The following UBE2U variants were observed in gnomAD, a reference collection of about 807,000 sequenced individuals.
UBE2U encodes the protein ubiquitin-conjugating enzyme E2 U.
A neutral mutation model predicts 41.2 loss-of-function variants in UBE2U; 39 were observed. That is an observed-to-expected ratio of 0.95 (90% CI 0.73 to 1.24). UBE2U has a LOEUF of 1.24. Among genes scored for constraint, UBE2U ranks in the 50% most tolerant of loss-of-function variants. The pLI is 0.00. For missense variants in UBE2U, 336 were observed against 363.1 expected (o/e 0.93, Z 0.61); for synonymous variants, 107 against 117.8 (o/e 0.91, Z 0.60).
At chr1:64,243,073 T>A (rs556467752) in intron 8 of UBE2U, among the ~76,000 whole-genome samples, 1 of 152,294 alleles carries the variant, frequency 6.6e-6, no homozygotes, top group East Asian at 1.9e-4. Flanking sequence ...GTGAGCTGTT[T>A]GAGTGCTGGA....
intron 8 of UBE2U, among the ~76,000 whole-genome samples, chr1:64,249,642 A>G (rs1484505985): frequency 6.6e-6 from 1 of 151,876 alleles, no homozygotes; most frequent in Non-Finnish European, 1.5e-5. Flanking sequence ...AAAAATATAT[A>G]TACTTAATGG....
At chr1:64,217,109 GAATTGTTTGAAAT>G (rs1652076796) in intron 5 of UBE2U, among the ~76,000 whole-genome samples, 1 of 152,320 alleles carries the variant, frequency 6.6e-6, no homozygotes, top group South Asian at 2.1e-4. Flanking sequence ...ACATGAGGAA[GAATTGTTTGAAAT>G]AATTCAAGTT....
At chr1:64,230,508 A>T (rs1276172245) in intron 6 of UBE2U, among the ~76,000 whole-genome samples, 1 of 151,924 alleles carries the variant, frequency 6.6e-6, no homozygotes, top group Non-Finnish European at 1.5e-5. Flanking sequence ...TTCCCCCAAC[A>T]TCCTCTGTGT....
At chr1:64,253,959 A>G (rs1316058079) in intron 8 of UBE2U, among the ~76,000 whole-genome samples, 1 of 152,196 alleles carries the variant, frequency 6.6e-6, no homozygotes, top group East Asian at 1.9e-4. Context: ...AATAGAAGAC[A>G]TAGAGTGGCA....
At chr1:64,204,265 AAT>A in intron 1 of UBE2U, 149 bp downstream of exon 1, 2 of 617,882 alleles carry the variant, frequency 3.2e-6, no homozygotes, top group East Asian at 2.9e-5. Flanking sequence ...TCACTGAAGT[AAT>A]GTGTTTCATA....
At chr1:64,248,022 C>G (rs1433275213) in intron 8 of UBE2U, among the ~76,000 whole-genome samples, 1 of 152,124 alleles carries the variant, frequency 6.6e-6, no homozygotes, top group Admixed American at 6.6e-5. Flanking sequence ...GAATTGTGAG[C>G]TAAATAAACC....
In UBE2U at chr1:64,210,791, G is replaced by A. The variant is rs1171330053; in HGVS notation, c.291G>A (p.Glu97=). ...GTATAGACTTTTTGGACAACCCTGA[G>A]AAGTGGAATACAAACTATACATTGA... is the stretch of plus-strand genomic sequence containing the variant. ...QPCIDFLDNP[E]KWNTNYTLSS... The change falls in exon 4 of 10, where the codon GAG becomes GAA. Residue 97 remains glutamate, a synonymous_variant. Transcript: ENST00000371077. The A allele has an allele frequency of 1.2e-6, 2 of 1,607,968 alleles. No homozygotes were observed.
chr1:64,258,669 G>T (rs1645135131), intron 8 of UBE2U, among the ~76,000 whole-genome samples: 1 of 152,120 alleles, frequency 6.6e-6, no homozygotes, highest in Admixed American at 6.5e-5. Context: ...TTTTATGGTT[G>T]CATAGTATTC....
chr1:64,235,697 G>T (rs566533127), intron 7 of UBE2U, among the ~76,000 whole-genome samples: 1 of 152,142 alleles, frequency 6.6e-6, no homozygotes, highest in African/African-American at 2.4e-5. Context: ...TTGATTTGGG[G>T]TATTAACTCT....
At chr1:64,219,117 C>T (rs1206708999) in intron 5 of UBE2U, among the ~76,000 whole-genome samples, 1 of 152,126 alleles carries the variant, frequency 6.6e-6, no homozygotes, top group Non-Finnish European at 1.5e-5. Flanking sequence ...CTTCCTAGTA[C>T]CTGGGAGCTA....
chr1:64,210,022 C>G (rs1375180704), intron 3 of UBE2U, among the ~76,000 whole-genome samples: 1 of 152,058 alleles, frequency 6.6e-6, no homozygotes, highest in East Asian at 1.9e-4. Flanking sequence ...TAATTTTCAA[C>G]TTTGTTTATG....
chr1:64,239,169 G>GA lies in UBE2U; in HGVS notation c.596-2481dup, dbSNP rs1290845990. Among the ~76,000 whole-genome samples, 9 of 91,100 alleles carry GA rather than the reference G, an allele frequency of 9.9e-5. No individual in the cohort carries two copies. In the East Asian group the frequency reaches 3.8e-3, roughly 38 times the overall value. The allele number at this position is 91,100 out of a possible 152,430, so 59.8% of individuals were successfully genotyped here. A position where few individuals can be genotyped will look rare whatever the true frequency, so the allele number is the denominator to read the frequency against. ...GAAGAAGAAGAAGAAAGAAGAAGAA[G>GA]AAGAAGAAGAAGAAGAAGAAGAAAG... On this transcript the variant is annotated intron_variant, in intron 7 of 9. Coordinates refer to ENST00000371077, the MANE Select transcript of UBE2U (RefSeq NM_001366232.2).
chr1:64,209,391 T>C (rs1270149954), intron 3 of UBE2U, among the ~76,000 whole-genome samples: 3 of 152,088 alleles, frequency 2.0e-5, no homozygotes, highest in Non-Finnish European at 4.4e-5. Context: ...GAATTGAGCA[T>C]ATGTGGCCCA....
Position 64,210,846 on chromosome 1 carries a change from A to G in UBE2U, c.339+7A>G. 3.8e-6 allele frequency: 6 copies of G among 1,573,152 alleles called. No homozygotes were observed. The highest frequency in any genetic ancestry group is 5.2e-6 in the Non-Finnish European group (6 of 1,153,038). On this transcript the variant is annotated splice_region_variant and intron_variant, in intron 4 of 9. Coordinates refer to ENST00000371077, the MANE Select transcript of UBE2U (RefSeq NM_001366232.2). ...CATCTTACTTGCCCTACAGGTAAGA[A>G]TGGATTTCATATAATCCTCTCTTTA...
Position 64,222,088 on chromosome 1 carries a change from T to C in UBE2U, c.506+1181T>C, listed in dbSNP as rs1652520630. Among the ~76,000 whole-genome samples the C allele has an allele frequency of 1.5e-4, 9 of 60,402 alleles. No individual in the cohort carries two copies. The Admixed American group carries it at 1.5e-3, about 10-fold the overall frequency. The allele number at this position is 60,402 out of a possible 152,430, so 39.6% of individuals were successfully genotyped here. A position where few individuals can be genotyped will look rare whatever the true frequency, so the allele number is the denominator to read the frequency against. The stretch of plus-strand genomic sequence containing the variant: ...GCCTGGGCGACAGAGAGAGACTCCA[T>C]CTCAAAAAAAAAAAAAAAAAACACA... On this transcript the variant is annotated intron_variant, in intron 6 of 9. Coordinates refer to ENST00000371077, the MANE Select transcript of UBE2U (RefSeq NM_001366232.2).
At chr1:64,241,631 T>A in intron 7 of UBE2U, 21 bp from the exon 8 acceptor site, 1 of 1,557,060 alleles carries the variant, frequency 6.4e-7, no homozygotes. Flanking sequence ...ATAGCTTCTT[T>A]TTTTAATATT....
chr1:64,264,922 C>T (rs1052441503), intron 9 of UBE2U, among the ~76,000 whole-genome samples: 14 of 151,974 alleles, frequency 9.2e-5, no homozygotes, highest in African/African-American at 3.1e-4. Context: ...CGCACTCCAG[C>T]CTGGACAATG....
intron 3 of UBE2U, among the ~76,000 whole-genome samples, chr1:64,208,768 A>G (rs2100252059): frequency 6.6e-6 from 1 of 152,280 alleles, no homozygotes; most frequent in South Asian, 2.1e-4. Context: ...AAACAGAACG[A>G]GGAAGGTCTA....
intron 9 of UBE2U, among the ~76,000 whole-genome samples, chr1:64,262,774 G>A (rs912910710): frequency 1.3e-5 from 2 of 152,180 alleles, no homozygotes; most frequent in Admixed American, 1.3e-4. Context: ...TCAGAAAGGA[G>A]GAGTTTACAC....
Sources: allele counts gnomAD v4.1 joint callset (sites outside exome capture counted in the v4.1 genomes callset), GRCh38; gene constraint gnomAD v4.1.1; transcripts MANE v1.5; gene names NCBI Gene and HGNC (gene_info 2026-07-23, HGNC 2026-07-21).